Variants in PDE1A observed in about 807,000 individuals in gnomAD.
PDE1A encodes phosphodiesterase 1A.
Under a neutral mutation model 61.7 loss-of-function variants are expected in PDE1A, and 35 were observed. The ratio of observed to expected loss-of-function variants is 0.57; its 90% CI spans 0.43 to 0.75. PDE1A has a LOEUF of 0.75. Ranked by LOEUF, PDE1A falls within the 30% of genes least tolerant of loss-of-function variation. The probability of loss-of-function intolerance (pLI) is 0.00; values close to 1 mark genes in which losing one functional copy is unlikely to be tolerated. For missense variants in PDE1A, 597 were observed against 630.6 expected, an observed-to-expected ratio of 0.95 and a Z score of 0.57; for synonymous variants, 232 against 213.2, an observed-to-expected ratio of 1.09 and a Z score of -0.77.
the PDE1A span, among the ~76,000 whole-genome samples, chr2:182,690,181 G>A: frequency 6.6e-6 from 1 of 152,190 alleles, no homozygotes; most frequent in Non-Finnish European, 1.5e-5. Flanking sequence ...CTCATTTTAT[G>A]AGGCCAGCAT....
At chr2:182,298,422 G>A (rs1038106656) in intron 1 of PDE1A, among the ~76,000 whole-genome samples, 3 of 152,092 alleles carry the variant, frequency 2.0e-5, no homozygotes, top group African/African-American at 4.8e-5. Flanking sequence ...GGCTAAAACA[G>A]AACCAGTAAG....
the PDE1A span, among the ~76,000 whole-genome samples, chr2:182,532,460 T>C: frequency 3.8e-3 from 580 of 152,230 alleles, 5 homozygotes; most frequent in African/African-American, 0.013. Flanking sequence ...TCCGATTATA[T>C]GAAATGCAGA....
At chr2:182,458,162 C>A (rs1686044950) in intron 2 of PDE1A, among the ~76,000 whole-genome samples, 1 of 151,892 alleles carries the variant, frequency 6.6e-6, no homozygotes, top group South Asian at 2.1e-4. Flanking sequence ...GTGTAATAAC[C>A]ATGGTACAAT....
chr2:182,601,285 T>C, the PDE1A span, among the ~76,000 whole-genome samples: 1 of 152,162 alleles, frequency 6.6e-6, no homozygotes, highest in Non-Finnish European at 1.5e-5. Flanking sequence ...CTGACACAGG[T>C]GCCAGCTCTC....
At chr2:182,291,558 G>C (rs1031293083) in intron 1 of PDE1A, among the ~76,000 whole-genome samples, 13 of 151,998 alleles carry the variant, frequency 8.6e-5, no homozygotes, top group Non-Finnish European at 1.3e-4. Context: ...CTGTGGTTAG[G>C]GACCTTAAGT....
chr2:182,369,919 A>T (rs562000899), intron 1 of PDE1A, among the ~76,000 whole-genome samples: 1 of 152,358 alleles, frequency 6.6e-6, no homozygotes, highest in Admixed American at 6.5e-5. Context: ...TCACGCCTGT[A>T]ATCCCAGCAC....
At chr2:182,267,212 C>A (rs1028885004) in intron 1 of PDE1A, among the ~76,000 whole-genome samples, 1 of 152,070 alleles carries the variant, frequency 6.6e-6, no homozygotes, top group Non-Finnish European at 1.5e-5. Context: ...AATGCTTGCA[C>A]AATGAACATG....
intron 2 of PDE1A, among the ~76,000 whole-genome samples, chr2:182,481,702 G>A (rs1044563701): frequency 2.0e-5 from 3 of 151,912 alleles, no homozygotes; most frequent in African/African-American, 4.8e-5. Flanking sequence ...TGAATATGTG[G>A]GGGAAGGTAC....
the PDE1A span, among the ~76,000 whole-genome samples, chr2:182,574,041 G>A: frequency 6.7e-6 from 1 of 150,348 alleles, no homozygotes; most frequent in Non-Finnish European, 1.5e-5. Flanking sequence ...AAGGCCCCAC[G>A]ATAGGCTGTC....
intron 7 of PDE1A, among the ~76,000 whole-genome samples, chr2:182,211,286 T>C (rs1325201175): frequency 2.0e-5 from 3 of 152,244 alleles, no homozygotes; most frequent in Non-Finnish European, 4.4e-5. Flanking sequence ...TTTGCTTCAC[T>C]GTATTGCTTT....
At chr2:182,251,710 G>A (rs1365394474) in intron 2 of PDE1A, among the ~76,000 whole-genome samples, 9 of 152,180 alleles carry the variant, frequency 5.9e-5, no homozygotes, top group Non-Finnish European at 1.5e-5. Flanking sequence ...TGTGCTGAAT[G>A]GCACTGCTTA....
chr2:182,306,094 T>C (rs1695565190), intron 1 of PDE1A, among the ~76,000 whole-genome samples: 1 of 152,106 alleles, frequency 6.6e-6, no homozygotes. Flanking sequence ...TTGAGCTCAA[T>C]TGTTTTAAAT....
chr2:182,550,906 C>G, the PDE1A span, among the ~76,000 whole-genome samples: 1 of 152,090 alleles, frequency 6.6e-6, no homozygotes, highest in African/African-American at 2.4e-5. Context: ...TATGTAAGTT[C>G]TGTTCACATT....
the PDE1A span, among the ~76,000 whole-genome samples, chr2:182,644,057 T>C: frequency 6.6e-6 from 1 of 151,208 alleles, no homozygotes. Flanking sequence ...TCAAGTGAGT[T>C]GATGCTCTTC....
chr2:182,632,733 C>T, the PDE1A span, among the ~76,000 whole-genome samples: 1 of 152,118 alleles, frequency 6.6e-6, no homozygotes, highest in East Asian at 1.9e-4. Flanking sequence ...GTTCAAATTA[C>T]ATTTTGAAAA....
intron 13 of PDE1A, 49 bp downstream of exon 13, chr2:182,185,843 G>A: frequency 1.9e-6 from 3 of 1,611,282 alleles, no homozygotes; most frequent in Non-Finnish European, 2.5e-6. Flanking sequence ...TCTTAGAGGA[G>A]AAGTGAAGAC....
At chr2:182,394,439 A>T (rs902886733) in intron 1 of PDE1A, among the ~76,000 whole-genome samples, 4 of 152,134 alleles carry the variant, frequency 2.6e-5, no homozygotes, top group African/African-American at 4.8e-5. Flanking sequence ...CCCTCCCATG[A>T]CATGTGGGGA....
intron 2 of PDE1A, among the ~76,000 whole-genome samples, chr2:182,455,854 T>C (rs1303604039): frequency 6.6e-6 from 1 of 151,568 alleles, no homozygotes. Context: ...CATGTATACA[T>C]ATGTAACAAA....
chr2:182,379,872 C>T (rs1342634172), intron 1 of PDE1A, among the ~76,000 whole-genome samples: 1 of 152,134 alleles, frequency 6.6e-6, no homozygotes, highest in African/African-American at 2.4e-5. Context: ...GAGCCCCTTA[C>T]TTTGTAGCAA....
Sources: allele counts gnomAD v4.1 joint callset (sites outside exome capture counted in the v4.1 genomes callset), GRCh38; gene constraint gnomAD v4.1.1; transcripts MANE v1.5; gene names NCBI Gene and HGNC (gene_info 2026-07-23, HGNC 2026-07-21).